The following DNAH8 variants were observed in gnomAD, a reference collection of about 807,000 sequenced individuals.
The protein encoded by DNAH8 is axonemal beta dynein heavy chain 8.
A neutral mutation model predicts 562.1 loss-of-function variants in DNAH8; 382 were observed. The ratio of observed to expected loss-of-function variants is 0.68; its 90% CI spans 0.63 to 0.74. DNAH8 has a LOEUF of 0.74. Among genes scored for constraint, DNAH8 ranks in the 30% least tolerant of loss-of-function variants. The pLI is 0.00. For missense variants in DNAH8, 5,203 were observed against 5,620.4 expected (o/e 0.93, Z 2.37); for synonymous variants, 1,881 against 1,919.4 (o/e 0.98, Z 0.52).
In DNAH8 at chr6:38,852,768, C is replaced by A; in HGVS notation, c.5541C>A (p.Ala1847=). Reference sequence around the variant, plus strand: ...CAAAAGACTATGATCGCATCATGGCCGTCATATCAAGAGAAGGAGAAAAAA... The same window carrying A: ...CAAAAGACTATGATCGCATCATGGCAGTCATATCAAGAGAAGGAGAAAAAA... ...FHAKDYDRIM[A]VISREGEKIV... The change falls in exon 40 of 93, where the codon GCC becomes GCA. Residue 1847 remains alanine (A), a synonymous_variant. Transcript: ENST00000327475. The A allele has an allele frequency of 6.2e-7, 1 of 1,612,774 alleles. No homozygotes were observed. The highest frequency in any genetic ancestry group is 8.5e-7 in the Non-Finnish European group (1 of 1,179,354).
chr6:38,806,241 C>T (rs1771263968), intron 23 of DNAH8, among the ~76,000 whole-genome samples: 1 of 152,160 alleles, frequency 6.6e-6, no homozygotes, highest in South Asian at 2.1e-4. Flanking sequence ...TTCATACCCA[C>T]CTTCTTTTCA....
intron 88 of DNAH8, among the ~76,000 whole-genome samples, chr6:39,004,565 T>C (rs955455827): frequency 4.6e-5 from 7 of 152,334 alleles, no homozygotes; most frequent in African/African-American, 1.7e-4. Context: ...TGAGATGTAA[T>C]CTGCATATCT....
At position 38,786,906 on chromosome 6, in the gene DNAH8, T is replaced by G. The variant is rs748889760; in HGVS notation, c.2537T>G (p.Leu846Trp). ...KLDVPEQAKR[L>W]LKLESKLKAD... ...GATGTACCAGAACAGGCAAAGAGAT[T>G]GCTAAAATTGGAAAGTAAATTGAAA... The change falls in exon 18 of 93, where the codon TTG (leucine) becomes TGG (tryptophan). Residue 846 changes from leucine (L) to tryptophan (W), a missense_variant. This residue lies in a region of DNAH8 where 2,176 missense variants were observed against 2,365.1 expected (regional missense o/e 0.92). Coordinates refer to ENST00000327475, the MANE Select transcript of DNAH8 (RefSeq NM_001206927.2). The G allele has an allele frequency of 2.4e-5, 38 of 1,610,514 alleles. No homozygotes were observed. In the East Asian group the frequency reaches 8.3e-4, roughly 35 times the overall value.
At chr6:38,806,810 C>A (rs921160255) in intron 23 of DNAH8, among the ~76,000 whole-genome samples, 11 of 152,044 alleles carry the variant, frequency 7.2e-5, no homozygotes, top group African/African-American at 2.7e-4. Context: ...TAATAAAAAT[C>A]TGATTATGTC....
rs1765813277 is a variant in DNAH8, at chr6:39,006,626, G to A, written c.13215-2188G>A. On this transcript the variant is annotated intron_variant, in intron 88 of 92. Coordinates refer to ENST00000327475, the MANE Select transcript of DNAH8 (RefSeq NM_001206927.2). ...AGGTATATTGTTCCAGGAAAGAGTT[G>A]TGTTTGCTTCCATCAGGTGCCACCT... Among the ~76,000 whole-genome samples, 2 of 152,202 alleles carry A rather than the reference G, an allele frequency of 1.3e-5. 1 individual carries two copies. Among genetic ancestry groups the A allele is most frequent in the South Asian group, 4.1e-4 (2 of 4,832 alleles).
chr6:38,736,695 G>C (rs775792803), intron 5 of DNAH8, among the ~76,000 whole-genome samples: 1 of 148,166 alleles, frequency 6.7e-6, no homozygotes, highest in Non-Finnish European at 1.5e-5. Context: ...CAAACTTCTA[G>C]GCAAGGGCTT....
chr6:38,871,700 G>A (rs535631878), intron 49 of DNAH8, among the ~76,000 whole-genome samples: 1 of 152,060 alleles, frequency 6.6e-6, no homozygotes, highest in Admixed American at 6.6e-5. Flanking sequence ...ATGTCTCCTC[G>A]AATCTCTTGT....
chr6:38,737,686 T>A (rs571981683), intron 6 of DNAH8, 123 bp from the exon 7 acceptor site: 11 of 354,928 alleles, frequency 3.1e-5, no homozygotes, highest in Middle Eastern at 1.1e-3. Flanking sequence ...AAAGTACACA[T>A]TGACTTTTAA....
chr6:38,715,903 AAAATAAATAAATAAAT>A (rs767028862), intron 1 of DNAH8, among the ~76,000 whole-genome samples: 1 of 65,228 alleles, frequency 1.5e-5, no homozygotes, highest in African/African-American at 8.8e-5. Context: ...AAAAGCTATT[AAAATAAATAAATAAAT>A]AAATAAATAT....
In DNAH8 at chr6:38,938,906, C is replaced by A; in HGVS notation, c.11925C>A (p.Phe3975Leu). 6.2e-7 allele frequency: 1 copy of A among 1,613,772 alleles called. No individual in the cohort carries two copies. Among genetic ancestry groups the A allele is most frequent in the Non-Finnish European group, 8.5e-7 (1 of 1,179,796 alleles). The change falls in exon 79 of 93, where the codon TTC becomes TTA. Residue 3975 changes from phenylalanine (F) to leucine (L), a missense_variant. This residue lies in a region of DNAH8 where 1,399 missense variants were observed against 1,518.4 expected (regional missense o/e 0.92). Coordinates refer to ENST00000327475, the MANE Select transcript of DNAH8 (RefSeq NM_001206927.2). Reference protein sequence around the residue: ...SVRGLYENHKFLFVLLMTLKI... With the variant: ...SVRGLYENHKLLFVLLMTLKI... ...GAGGCCTATACGAAAACCACAAATT[C>A]CTGTTTGTACTCCTCATGACCTTAA...
intron 17 of DNAH8, 43 bp downstream of exon 17, chr6:38,783,182 T>C: frequency 6.3e-7 from 1 of 1,587,688 alleles, no homozygotes; most frequent in African/African-American, 1.3e-5. Flanking sequence ...AGGGATTAGG[T>C]GATTTTGAAT....
intron 56 of DNAH8, among the ~76,000 whole-genome samples, chr6:38,885,193 G>T (rs973595353): frequency 6.6e-6 from 1 of 152,162 alleles, no homozygotes; most frequent in Admixed American, 6.5e-5. Flanking sequence ...CCGAACTCAC[G>T]TATCCAACTA....
intron 17 of DNAH8, 83 bp from the exon 18 acceptor site, chr6:38,786,682 A>AG: frequency 2.1e-6 from 3 of 1,402,100 alleles, no homozygotes; most frequent in Non-Finnish European, 1.9e-6. Context: ...TTAGTAATCC[A>AG]GGGGGCAAGA....
chr6:38,944,449 T>C (rs771460809), intron 79 of DNAH8, among the ~76,000 whole-genome samples: 1 of 152,326 alleles, frequency 6.6e-6, no homozygotes, highest in Non-Finnish European at 1.5e-5. Context: ...ATGAGTTGAT[T>C]TGTGAACTGG....
At chr6:38,747,953 T>C (rs1765099940) in intron 8 of DNAH8, among the ~76,000 whole-genome samples, 1 of 152,248 alleles carries the variant, frequency 6.6e-6, no homozygotes, top group Non-Finnish European at 1.5e-5. Context: ...AATGTGTGCA[T>C]TATTATTCAT....
At chr6:38,803,050 T>C in intron 21 of DNAH8, 129 bp from the exon 22 acceptor site, 1 of 638,198 alleles carries the variant, frequency 1.6e-6, no homozygotes, top group South Asian at 2.9e-5. Context: ...TTATGCCATT[T>C]TCAGCTATCT....
chr6:38,926,722 T>G (rs867334350), intron 74 of DNAH8, among the ~76,000 whole-genome samples: 3 of 152,186 alleles, frequency 2.0e-5, no homozygotes, highest in Non-Finnish European at 2.9e-5. Context: ...ATGTGGGATA[T>G]TCAGTGTTTC....
chr6:38,791,452 A>G, intron 20 of DNAH8, 103 bp from the exon 21 acceptor site: 4 of 1,346,266 alleles, frequency 3.0e-6, no homozygotes, highest in East Asian at 2.5e-5. Flanking sequence ...AAGTTTCTAG[A>G]CTTAGCCTTC....
intron 3 of DNAH8, among the ~76,000 whole-genome samples, chr6:38,729,480 G>C (rs184504460): frequency 1.3e-5 from 2 of 152,160 alleles, no homozygotes; most frequent in Admixed American, 1.3e-4. Flanking sequence ...GTACAATACA[G>C]GTCAAATTAC....
Sources: allele counts gnomAD v4.1 joint callset (sites outside exome capture counted in the v4.1 genomes callset), GRCh38; gene constraint gnomAD v4.1.1; regional missense constraint gnomAD v4.1.1; transcripts MANE v1.5; gene names NCBI Gene and HGNC (gene_info 2026-07-23, HGNC 2026-07-21).